The following EPHA5 variants were observed in gnomAD, a reference collection of about 807,000 sequenced individuals.
The protein encoded by EPHA5 is ephrin type-A receptor 5.
Under a neutral mutation model 105.0 loss-of-function variants are expected in EPHA5, and 60 were observed. That is an observed-to-expected ratio of 0.57 (90% CI 0.46 to 0.71). The LOEUF is 0.71. Ranked by LOEUF, EPHA5 falls within the 30% of genes least tolerant of loss-of-function variation. The pLI is 0.00. For missense variants in EPHA5, 1,218 were observed against 1,274.7 expected (o/e 0.96, Z 0.68); for synonymous variants, 513 against 449.1 (o/e 1.14, Z -1.80).
chr4:65,574,035 A>T (rs1740527321), intron 3 of EPHA5: 7 of 1,599,360 alleles, frequency 4.4e-6, no homozygotes, highest in Non-Finnish European at 6.0e-6. Context: ...AACACACCAG[A>T]AATTTGTCAT....
At chr4:65,324,921 A>G (rs34412857) in intron 16 of EPHA5, among the ~76,000 whole-genome samples, 15,140 of 151,184 alleles carry the variant, frequency 0.1, 981 homozygotes, top group African/African-American at 0.17. Context: ...ATAAATTTAC[A>G]AATATTTAGA....
At chr4:65,582,488 A>AG (rs1741726293) in intron 3 of EPHA5, among the ~76,000 whole-genome samples, 1 of 149,422 alleles carries the variant, frequency 6.7e-6, no homozygotes, top group Admixed American at 6.8e-5. Flanking sequence ...AAAAAAAAAA[A>AG]GAAAATCCAG....
chr4:65,644,699 T>C (rs1747967312), intron 1 of EPHA5, among the ~76,000 whole-genome samples: 1 of 152,036 alleles, frequency 6.6e-6, no homozygotes. Flanking sequence ...ATGCATCATT[T>C]ATTTCACAGT....
intron 1 of EPHA5, among the ~76,000 whole-genome samples, chr4:65,658,143 T>A (rs988623132): frequency 6.6e-6 from 1 of 151,944 alleles, no homozygotes; most frequent in African/African-American, 2.4e-5. Flanking sequence ...GGGCACACAA[T>A]CCTGGGAAAA....
At chr4:65,528,459 A>G (rs1057155159) in intron 3 of EPHA5, among the ~76,000 whole-genome samples, 4 of 152,044 alleles carry the variant, frequency 2.6e-5, no homozygotes, top group African/African-American at 9.7e-5. Flanking sequence ...CCTATCCTTA[A>G]GAGAAAAAAA....
chr4:65,379,272 C>CGCAT (rs1553903761), intron 8 of EPHA5, among the ~76,000 whole-genome samples: 4 of 97,356 alleles, frequency 4.1e-5, no homozygotes, highest in Non-Finnish European at 2.3e-5. Context: ...AATAAGTATG[C>CGCAT]ACATACACAC....
chr4:65,365,808 AT>A, intron 10 of EPHA5, 123 bp downstream of exon 10: 1 of 950,418 alleles, frequency 1.1e-6, no homozygotes, highest in Non-Finnish European at 1.5e-6. Flanking sequence ...TCAGTTACAT[AT>A]CACTTTGAAT....
At chr4:65,384,464 T>C (rs1719891205) in intron 8 of EPHA5, among the ~76,000 whole-genome samples, 1 of 151,904 alleles carries the variant, frequency 6.6e-6, no homozygotes, top group Non-Finnish European at 1.5e-5. Context: ...CTATTTCCAA[T>C]TCAGGATCAA....
At chr4:65,519,607 T>G (rs1734472247) in intron 3 of EPHA5, among the ~76,000 whole-genome samples, 1 of 151,868 alleles carries the variant, frequency 6.6e-6, no homozygotes, top group East Asian at 1.9e-4. Flanking sequence ...GCAGATGACA[T>G]GTTTGTATAT....
chr4:65,629,963 A>C (rs1413789605), intron 2 of EPHA5, among the ~76,000 whole-genome samples: 1 of 152,182 alleles, frequency 6.6e-6, no homozygotes, highest in African/African-American at 2.4e-5. Flanking sequence ...TGAAGCAAAG[A>C]AATCTGGTCT....
intron 3 of EPHA5, among the ~76,000 whole-genome samples, chr4:65,546,314 T>C (rs958195651): frequency 1.3e-5 from 2 of 151,990 alleles, no homozygotes; most frequent in African/African-American, 2.4e-5. Flanking sequence ...TAAACATTTA[T>C]GTGTCTTCTC....
At chr4:65,522,316 G>GTATATATATATATATATATATACATATA (rs58851174) in intron 3 of EPHA5, among the ~76,000 whole-genome samples, 101 of 142,862 alleles carry the variant, frequency 7.1e-4, no homozygotes, top group African/African-American at 2.5e-3. Context: ...ATATATATAT[G>GTATATATATATATATATATATACATATA]TATATATATA....
chr4:65,432,082 T>G (rs1157798821), intron 5 of EPHA5, among the ~76,000 whole-genome samples: 2 of 152,120 alleles, frequency 1.3e-5, no homozygotes, highest in Non-Finnish European at 2.9e-5. Context: ...AAACCAGAAT[T>G]GAGTTAACTT....
chr4:65,399,382 T>C (rs1721589439), intron 8 of EPHA5, among the ~76,000 whole-genome samples: 1 of 152,200 alleles, frequency 6.6e-6, no homozygotes, highest in Admixed American at 6.5e-5. Flanking sequence ...TTTGCAATTG[T>C]GGGATTCAGG....
At chr4:65,394,442 T>C (rs1420998810) in intron 8 of EPHA5, among the ~76,000 whole-genome samples, 1 of 152,156 alleles carries the variant, frequency 6.6e-6, no homozygotes, top group Non-Finnish European at 1.5e-5. Flanking sequence ...CTGGACACTT[T>C]CCAAGAGGAA....
At chr4:65,598,110 G>C (rs1370225835) in intron 3 of EPHA5, among the ~76,000 whole-genome samples, 1 of 152,048 alleles carries the variant, frequency 6.6e-6, no homozygotes, top group African/African-American at 2.4e-5. Context: ...ATATAGTTTG[G>C]TTATCAAGAA....
chr4:65,637,685 TA>T, intron 2 of EPHA5, among the ~76,000 whole-genome samples: 1 of 150,798 alleles, frequency 6.6e-6, no homozygotes, highest in East Asian at 1.9e-4. Context: ...AAGGAAAGGA[TA>T]TTTACTGACT....
rs1490717754 is a variant in EPHA5 at position 65,320,011 on chromosome 4, AAAC to A, written c.*4100_*4102del. ...TTCTCCATTAACGTTTAGAAGAAACAAACAACATTTGATTCTGATTATTATAAA... is the reference window on the plus strand; with the variant it reads ...TTCTCCATTAACGTTTAGAAGAAACAAACATTTGATTCTGATTATTATAAA... On this transcript the variant is annotated 3_prime_UTR_variant, in exon 17 of 17. Transcript: ENST00000613740. 2 of 230,218 alleles carry A rather than the reference AAAC, an allele frequency of 8.7e-6. No homozygotes were observed. The highest frequency in any genetic ancestry group is 5.7e-5 in the Admixed American group (1 of 17,640). The allele number at this position is 230,218 out of a possible 1,614,324, so 14.3% of individuals were successfully genotyped here.
chr4:65,370,794 G>A (rs1185935274), intron 8 of EPHA5, among the ~76,000 whole-genome samples: 1 of 152,084 alleles, frequency 6.6e-6, no homozygotes, highest in Non-Finnish European at 1.5e-5. Context: ...CATCTCTGGA[G>A]CTCCATAACA....
Sources: gnomAD v4.1 joint callset for allele counts (sites outside exome capture counted in the v4.1 genomes callset) on GRCh38, gnomAD v4.1.1 for gene constraint, MANE v1.5 for transcripts, NCBI Gene and HGNC (gene_info 2026-07-23, HGNC 2026-07-21) for gene names.